The following HAO1 variants were observed in gnomAD, a reference collection of about 807,000 sequenced individuals.
HAO1 encodes hydroxyacid oxidase 1.
HAO1 carries 34 observed loss-of-function variants against 39.7 expected under a neutral mutation model. That is an observed-to-expected ratio of 0.86 (90% CI 0.65 to 1.14). The LOEUF is 1.14. Ranked by LOEUF, HAO1 falls within the 50% of genes most tolerant of loss-of-function variation. The pLI is 0.00. For missense variants in HAO1, 479 were observed against 464.5 expected, an observed-to-expected ratio of 1.03 and a Z score of -0.29; for synonymous variants, 172 against 173.2, an observed-to-expected ratio of 0.99 and a Z score of 0.05.
At chr20:7,937,493 A>C (rs1038681981) in intron 1 of HAO1, among the ~76,000 whole-genome samples, 2 of 152,114 alleles carry the variant, frequency 1.3e-5, no homozygotes, top group Non-Finnish European at 2.9e-5. Flanking sequence ...TCAAATATTA[A>C]AGTGAAAGAA....
At position 7,906,197 on chromosome 20, in the gene HAO1, T is replaced by A. The variant is rs139605533; in HGVS notation, c.678A>T (p.Arg226Ser). Residue 226 changes from arginine to serine, a missense_variant, in exon 4 of 8, where the codon AGA (arginine) becomes AGT (serine). Transcript: ENST00000378789. ...CAACAATTGGCAATGATGTCAGTCT[T>A]CTCAGCCATTTGATATCTTCCCAGC... ...SISWEDIKWL[R>S]RLTSLPIVAK... 16 of 1,613,410 alleles carry A rather than the reference T, an allele frequency of 9.9e-6. No individual in the cohort carries two copies. The highest frequency in any genetic ancestry group is 1.4e-5 in the Non-Finnish European group (16 of 1,179,454).
rs369783257 is a variant in HAO1, at chr20:7,914,144, G to A, written c.545+20C>T. 1.9e-6 allele frequency: 3 copies of A among 1,612,240 alleles called. No individual in the cohort carries two copies. The highest frequency in any genetic ancestry group is 1.3e-5 in the African/African-American group (1 of 74,882). On this transcript the variant is annotated intron_variant, in intron 3 of 7. Transcript: ENST00000378789. ...AAGATCCCTTTCGCCTCAGCTCGGG[G>A]CCCACATGATCATGGTTACCTGAGT...
intron 4 of HAO1, among the ~76,000 whole-genome samples, chr20:7,895,732 A>T (rs1345622990): frequency 6.6e-6 from 1 of 152,100 alleles, no homozygotes; most frequent in Admixed American, 6.6e-5. Context: ...CTATAATTAA[A>T]TATATGTTTG....
intron 5 of HAO1, among the ~76,000 whole-genome samples, chr20:7,894,565 C>T (rs1212122404): frequency 1.3e-5 from 2 of 152,202 alleles, no homozygotes; most frequent in African/African-American, 4.8e-5. Context: ...AGGTGGTTCA[C>T]AACTCAGCCA....
chr20:7,893,408 C>T (rs948291783), intron 5 of HAO1, among the ~76,000 whole-genome samples: 3 of 152,172 alleles, frequency 2.0e-5, no homozygotes, highest in African/African-American at 7.2e-5. Context: ...GACTAGGCTG[C>T]CTTTGCAGGA....
rs1474905521 is a variant in HAO1 at position 7,932,430 on chromosome 20, A to C, written c.289+2054T>G. Among the ~76,000 whole-genome samples, 3 of 151,964 alleles carry C rather than the reference A, an allele frequency of 2.0e-5. 1 individual carries two copies. The highest frequency in any genetic ancestry group is 2.9e-5 in the Non-Finnish European group (2 of 67,992). ...TCTCTTCATGGTCCCTTGTCCCTTTATCTCTACTCTTTTAAATCTAATTGT... is the reference window on the plus strand; with the variant it reads ...TCTCTTCATGGTCCCTTGTCCCTTTCTCTCTACTCTTTTAAATCTAATTGT... On this transcript the variant is annotated intron_variant, in intron 2 of 7. Transcript: ENST00000378789.
At chr20:7,889,740 A>C (rs1272928580) in intron 5 of HAO1, among the ~76,000 whole-genome samples, 5 of 152,286 alleles carry the variant, frequency 3.3e-5, no homozygotes, top group Middle Eastern at 3.4e-3. Flanking sequence ...GTAATGGTGA[A>C]ATTACTTGTG....
chr20:7,905,675 G>A (rs1003434356), intron 4 of HAO1, among the ~76,000 whole-genome samples: 1 of 152,194 alleles, frequency 6.6e-6, no homozygotes, highest in Non-Finnish European at 1.5e-5. Context: ...TCTCTTCAGA[G>A]AGGTGATGTG....
At chr20:7,908,559 C>T (rs1244241337) in intron 3 of HAO1, among the ~76,000 whole-genome samples, 1 of 152,040 alleles carries the variant, frequency 6.6e-6, no homozygotes, top group Non-Finnish European at 1.5e-5. Flanking sequence ...CATATATTGT[C>T]ATAAAGATAT....
chr20:7,929,321 A>G (rs889167404), intron 2 of HAO1, among the ~76,000 whole-genome samples: 5 of 152,168 alleles, frequency 3.3e-5, no homozygotes, highest in Non-Finnish European at 7.4e-5. Flanking sequence ...GGGGCAAATA[A>G]AGATAGTGTG....
chr20:7,899,903 C>T (rs1313613297), intron 4 of HAO1, among the ~76,000 whole-genome samples: 2 of 152,078 alleles, frequency 1.3e-5, no homozygotes, highest in Admixed American at 6.6e-5. Flanking sequence ...TAGACACAGT[C>T]GTCAATGGGC....
At chr20:7,896,203 A>T (rs551879977) in intron 4 of HAO1, among the ~76,000 whole-genome samples, 68 of 152,332 alleles carry the variant, frequency 4.5e-4, no homozygotes, top group Admixed American at 2.0e-3. Context: ...AACATATTTT[A>T]TATTCTAAAC....
At chr20:7,887,949 T>C (rs1221618421) in intron 5 of HAO1, among the ~76,000 whole-genome samples, 1 of 152,174 alleles carries the variant, frequency 6.6e-6, no homozygotes, top group East Asian at 1.9e-4. Flanking sequence ...AAAATAATTC[T>C]GATCAAACAG....
intron 5 of HAO1, 75 bp from the exon 6 acceptor site, chr20:7,885,939 T>A: frequency 1.6e-6 from 2 of 1,240,258 alleles, no homozygotes; most frequent in Non-Finnish European, 2.3e-6. Context: ...CAAAAACCAC[T>A]GACACATCCA....
intron 5 of HAO1, among the ~76,000 whole-genome samples, chr20:7,890,789 C>T (rs952556988): frequency 1.3e-5 from 2 of 152,148 alleles, no homozygotes; most frequent in African/African-American, 4.8e-5. Flanking sequence ...TCAGTGAGAA[C>T]ATACGATGTT....
chr20:7,894,710 A>G (rs1284534787), intron 5 of HAO1, among the ~76,000 whole-genome samples: 1 of 152,064 alleles, frequency 6.6e-6, no homozygotes, highest in African/African-American at 2.4e-5. Context: ...CCTCCTCCTG[A>G]TTTCTTGTCT....
At position 7,883,610 on chromosome 20, in the gene HAO1, C is replaced by T; in HGVS notation, c.1096G>A (p.Ala366Thr). Residue 366 changes from alanine to threonine, a missense_variant, in exon 8 of 8, where the codon GCC becomes ACC. Transcript: ENST00000378789. ...DKTLVRKNPL[A>T]VSKI Reference sequence around the variant, plus strand: ...GTGCACTGTCAGATCTTGGAAACGGCCAAAGGATTTTTCCTCACCAATGTC... The same window carrying T: ...GTGCACTGTCAGATCTTGGAAACGGTCAAAGGATTTTTCCTCACCAATGTC... 3 of 1,612,874 alleles carry T rather than the reference C, an allele frequency of 1.9e-6. No homozygotes were observed. The highest frequency in any genetic ancestry group is 2.5e-6 in the Non-Finnish European group (3 of 1,178,990).
chr20:7,895,313 G>T, intron 4 of HAO1, 89 bp from the exon 5 acceptor site: 1 of 799,188 alleles, frequency 1.3e-6, no homozygotes, highest in Non-Finnish European at 2.2e-6. Context: ...TCAAATGGAG[G>T]CTGACTCCCA....
rs1307501909 is a variant in HAO1, at chr20:7,885,792, T to C, written c.886A>G (p.Lys296Glu). The change falls in exon 6 of 8, where the codon AAA becomes GAA. Residue 296 changes from lysine (K) to glutamate (E), a missense_variant. Transcript: ENST00000378789. The stretch of plus-strand genomic sequence containing the variant: ...AGAGCTTTCAGAACATCAGTGCCTT[T>C]CCGCACACCCCCGTCCAGGAAGACT... ...VEVFLDGGVR[K>E]GTDVLKALAL... is the part of the protein sequence containing the mutation. 6.2e-7 allele frequency: 1 copy of C among 1,613,612 alleles called. No homozygotes were observed. Among genetic ancestry groups the C allele is most frequent in the East Asian group, 2.2e-5 (1 of 44,862 alleles).
Sources: allele counts gnomAD v4.1 joint callset (sites outside exome capture counted in the v4.1 genomes callset), GRCh38; gene constraint gnomAD v4.1.1; transcripts MANE v1.5; gene names NCBI Gene and HGNC (gene_info 2026-07-23, HGNC 2026-07-21).